Variants in OR51M1 observed in about 807,000 individuals in gnomAD.
The protein encoded by OR51M1 is olfactory receptor 51M1.
For missense variants in OR51M1, 509 were observed against 404.4 expected, an observed-to-expected ratio of 1.26 and a Z score of -2.22; for synonymous variants, 199 against 155.1, an observed-to-expected ratio of 1.28 and a Z score of -2.10.
chr11:5,390,396 T>C lies in OR51M1; in HGVS notation c.*17T>C. The C allele has an allele frequency of 1.3e-6, 2 of 1,560,936 alleles. No individual in the cohort carries two copies. Among genetic ancestry groups the C allele is most frequent in the Non-Finnish European group, 1.7e-6 (2 of 1,150,962 alleles). ...AGTAAATGAGTCCTGGGGCTAAAAC[T>C]CCCCCTAGAGGCCTATAAGAAGGCC... On this transcript the variant is annotated 3_prime_UTR_variant, in exon 3 of 3. Coordinates refer to ENST00000642046, the MANE Select transcript of OR51M1 (RefSeq NM_001004756.3).
In OR51M1 at chr11:5,393,054, C is replaced by A. The variant is rs961684970; in HGVS notation, c.*2675C>A. The A allele has an allele frequency of 6.6e-6, 1 of 152,160 alleles. No individual in the cohort carries two copies. Among genetic ancestry groups the A allele is most frequent in the Non-Finnish European group, 1.5e-5 (1 of 68,028 alleles). 9.4% of individuals were successfully genotyped at this position (152,160 alleles called of 1,614,324 possible). ...ATACATCAAAAGACTTGAAAATATT[C>A]ATGCTCTGTGTCTCAGAAATGCCAC... On this transcript the variant is annotated 3_prime_UTR_variant, in exon 3 of 3. Transcript: ENST00000642046.
intron 2 of OR51M1, among the ~76,000 whole-genome samples, chr11:5,388,934 G>A (rs957934449): frequency 1.3e-5 from 2 of 152,106 alleles, no homozygotes; most frequent in Non-Finnish European, 2.9e-5. Flanking sequence ...CATAAAACAT[G>A]ACATTTGACT....
chr11:5,388,977 T>G (rs2133727250), intron 2 of OR51M1, among the ~76,000 whole-genome samples: 1 of 152,242 alleles, frequency 6.6e-6, no homozygotes, highest in African/African-American at 2.4e-5. Flanking sequence ...GTACAGATGT[T>G]GCTAGAGTCT....
chr11:5,385,995 GT>G (rs1332464771), intron 2 of OR51M1, among the ~76,000 whole-genome samples: 2 of 150,922 alleles, frequency 1.3e-5, no homozygotes, highest in Non-Finnish European at 3.0e-5. Context: ...AAGAATGTGT[GT>G]GTGTATTTAC....
At chr11:5,385,806 A>AT (rs35654107) in intron 2 of OR51M1, among the ~76,000 whole-genome samples, 26,871 of 148,766 alleles carry the variant, frequency 0.18, 2,593 homozygotes, top group African/African-American at 0.26. Context: ...ATATATAAAA[A>AT]ATCTATAAAG....
intron 2 of OR51M1, among the ~76,000 whole-genome samples, chr11:5,387,230 T>TAG (rs964757469): frequency 6.6e-6 from 1 of 152,132 alleles, no homozygotes; most frequent in Non-Finnish European, 1.5e-5. Context: ...TAAGAATTTC[T>TAG]AGAGAGAGCT....
At position 5,390,054 on chromosome 11, in the gene OR51M1, T is replaced by A; in HGVS notation, c.656T>A (p.Val219Glu). 1 of 1,613,732 alleles carries A rather than the reference T, an allele frequency of 6.2e-7. No homozygotes were observed. Among genetic ancestry groups the A allele is most frequent in the Non-Finnish European group, 8.5e-7 (1 of 1,179,896 alleles). Residue 219 changes from valine to glutamate, a missense_variant, in exon 3 of 3, where the codon GTG becomes GAG. Val to Glu is a moderately radical substitution (Grantham distance 121, BLOSUM62 -2). Coordinates refer to ENST00000642046, the MANE Select transcript of OR51M1 (RefSeq NM_001004756.3). ...GGACTGATGGTGGTAGTTTTCACTG[T>A]GATGCTGGACCTGGTGCTCATCGCA... ...LYGLMVVVFT[V>E]MLDLVLIALS...
intron 2 of OR51M1, among the ~76,000 whole-genome samples, chr11:5,386,957 T>C (rs1564796060): frequency 1.3e-5 from 2 of 152,110 alleles, no homozygotes. Flanking sequence ...TTAGACGTGT[T>C]GAGTTTCATC....
In OR51M1 at chr11:5,391,237, T is replaced by A. The variant is rs988371726; in HGVS notation, c.*858T>A. 6.6e-6 allele frequency: 1 copy of A among 152,232 alleles called. No homozygotes were observed. Among genetic ancestry groups the A allele is most frequent in the Non-Finnish European group, 1.5e-5 (1 of 68,050 alleles). The allele number at this position is 152,232 out of a possible 1,614,324, so 9.4% of individuals were successfully genotyped here. A position where few individuals can be genotyped will look rare whatever the true frequency, so the allele number is the denominator to read the frequency against. On this transcript the variant is annotated 3_prime_UTR_variant, in exon 3 of 3. Transcript: ENST00000642046. ...TGTCCCTACGAGTGACTAAATGCAA[T>A]CCTTGCAGGGGTCTCAGCTTTGAAA...
chr11:5,391,392 G>A lies in OR51M1; in HGVS notation c.*1013G>A, dbSNP rs895685253. 2 of 152,204 alleles carry A rather than the reference G, an allele frequency of 1.3e-5. No individual in the cohort carries two copies. Among genetic ancestry groups the A allele is most frequent in the African/African-American group, 4.8e-5 (2 of 41,432 alleles). The allele number at this position is 152,204 out of a possible 1,614,324, so 9.4% of individuals were successfully genotyped here. On this transcript the variant is annotated 3_prime_UTR_variant, in exon 3 of 3. Transcript: ENST00000642046. ...AACATTTGTCACACAGTAATGTCCT[G>A]TTTATGAAGGTGTGTGCATGTGTCC...
chr11:5,385,695 T>TAA (rs1267533561), intron 2 of OR51M1, among the ~76,000 whole-genome samples: 1 of 147,928 alleles, frequency 6.8e-6, no homozygotes, highest in Non-Finnish European at 1.5e-5. Context: ...CTATAATATA[T>TAA]ATGTTGTACA....
chr11:5,390,036 TGGTGG>T lies in OR51M1; in HGVS notation c.639_643del (p.Met213IlefsTer86). ...ACCTTCAATAATCTGTATGGACTGA[TGGTGG>T]TAGTTTTCACTGTGATGCTGGACCT... On this transcript the variant is annotated frameshift_variant, in exon 3 of 3. Coordinates refer to ENST00000642046, the MANE Select transcript of OR51M1 (RefSeq NM_001004756.3). LOFTEE classifies it low-confidence loss of function (END_TRUNC). 1 of 1,613,642 alleles carries T rather than the reference TGGTGG, an allele frequency of 6.2e-7. No homozygotes were observed. Among genetic ancestry groups the T allele is most frequent in the South Asian group, 1.1e-5 (1 of 91,080 alleles).
Position 5,384,233 on chromosome 11 carries a change from G to A in OR51M1, c.-122+316G>A, listed in dbSNP as rs548703546. ...TCTGTTACCCAGGCTACAGTGCAGT[G>A]GTGTAATCATAGCTCACTGTAAACT... is the stretch of plus-strand genomic sequence containing the variant. On this transcript the variant is annotated intron_variant, in intron 1 of 2. Transcript: ENST00000642046. Among the ~76,000 whole-genome samples, 5 of 152,184 alleles carry A rather than the reference G, an allele frequency of 3.3e-5. No homozygotes were observed. The South Asian group carries it at 1.0e-3, about 32-fold the overall frequency.
At chr11:5,385,969 T>A (rs1481155763) in intron 2 of OR51M1, among the ~76,000 whole-genome samples, 2 of 149,898 alleles carry the variant, frequency 1.3e-5, no homozygotes, top group Non-Finnish European at 3.0e-5. Flanking sequence ...TAAGTATATA[T>A]AAATATAAAA....
In OR51M1 at chr11:5,389,235, G is replaced by T. The variant is rs1328034198; in HGVS notation, c.-15-149G>T. On this transcript the variant is annotated intron_variant, in intron 2 of 2. Transcript: ENST00000642046. ...AACTGGTGAGGGCGAGGTTATCAAA[G>T]AAAGTTCAATAAAGTAGTGAGATTG... 1.4e-5 allele frequency: 10 copies of T among 720,872 alleles called. No homozygotes were observed. In the African/African-American group the frequency reaches 1.6e-4, roughly 11 times the overall value. 44.7% of individuals were successfully genotyped at this position (720,872 alleles called of 1,614,324 possible). A position where few individuals can be genotyped will look rare whatever the true frequency, so the allele number is the denominator to read the frequency against.
At chr11:5,387,766 C>T (rs1332156390) in intron 2 of OR51M1, among the ~76,000 whole-genome samples, 1 of 152,160 alleles carries the variant, frequency 6.6e-6, no homozygotes, top group African/African-American at 2.4e-5. Flanking sequence ...CACTTGCCCT[C>T]TGATTTTGAT....
chr11:5,390,035 A>C lies in OR51M1; in HGVS notation c.637A>C (p.Met213Leu), dbSNP rs777348255. ...CACCTTCAATAATCTGTATGGACTG[A>C]TGGTGGTAGTTTTCACTGTGATGCT... ...DITFNNLYGL[M>L]VVVFTVMLDL... Residue 213 changes from methionine (M) to leucine (L), a missense_variant, in exon 3 of 3, where the codon ATG (methionine) becomes CTG (leucine). Coordinates refer to ENST00000642046, the MANE Select transcript of OR51M1 (RefSeq NM_001004756.3). 1.1e-5 allele frequency: 18 copies of C among 1,613,470 alleles called. No individual in the cohort carries two copies. The highest frequency in any genetic ancestry group is 1.7e-5 in the Admixed American group (1 of 59,994).
Position 5,389,721 on chromosome 11 carries a change from C to T in OR51M1, c.323C>T (p.Ala108Val), listed in dbSNP as rs776468666. Residue 108 changes from alanine to valine, a missense_variant, in exon 3 of 3, where the codon GCG (alanine) becomes GTG (valine). Ala to Val is a moderately conservative substitution (Grantham distance 64). Transcript: ENST00000642046. ...AACTCCCATAGTATCTACTTTGGAG[C>T]GTGTCAAATCCAGATGTTCTGCATC... ...WFNSHSIYFG[A>V]CQIQMFCIHS... 8.7e-6 allele frequency: 14 copies of T among 1,613,742 alleles called. No individual in the cohort carries two copies. The highest frequency in any genetic ancestry group is 1.6e-4 in the Middle Eastern group (1 of 6,084).
intron 2 of OR51M1, among the ~76,000 whole-genome samples, chr11:5,385,963 T>C (rs963430047): frequency 1.3e-5 from 2 of 149,602 alleles, no homozygotes; most frequent in Admixed American, 1.3e-4. Flanking sequence ...TATCAATAAG[T>C]ATATATAAAT....
Sources: allele counts gnomAD v4.1 joint callset (sites outside exome capture counted in the v4.1 genomes callset), GRCh38; gene constraint gnomAD v4.1.1; transcripts MANE v1.5; gene names NCBI Gene and HGNC (gene_info 2026-07-23, HGNC 2026-07-21).